HTR7: variants seen among roughly 807,000 people sequenced by gnomAD.
HTR7 encodes the protein 5-hydroxytryptamine receptor 7, also known as 5-HT-7.
In HTR7, 16 loss-of-function variants were observed where a neutral mutation model predicts 34.0. The ratio of observed to expected loss-of-function variants is 0.47; its 90% CI spans 0.32 to 0.71. The LOEUF is 0.71. Ranked by LOEUF, HTR7 falls within the 30% of genes least tolerant of loss-of-function variation. The pLI is 0.04. For synonymous variants in HTR7, 265 were observed against 260.2 expected, an observed-to-expected ratio of 1.02 and a Z score of -0.18; for missense variants, 504 against 625.5, an observed-to-expected ratio of 0.81 and a Z score of 2.07.
chr10:90,816,468 C>T (rs1234342327), intron 1 of HTR7, among the ~76,000 whole-genome samples: 1 of 152,110 alleles, frequency 6.6e-6, no homozygotes, highest in Non-Finnish European at 1.5e-5. Context: ...CCAGCTGTGA[C>T]TTTTGTTTTG....
chr10:90,803,074 C>T (rs12766851), intron 1 of HTR7, among the ~76,000 whole-genome samples: 38,461 of 145,914 alleles, frequency 0.26, 5,272 homozygotes, highest in African/African-American at 0.35. Context: ...CCTAAAGCAA[C>T]CTCAGTTCTT....
intron 1 of HTR7, among the ~76,000 whole-genome samples, chr10:90,792,464 A>C (rs1233260416): frequency 2.0e-5 from 3 of 151,992 alleles, no homozygotes; most frequent in African/African-American, 7.2e-5. Flanking sequence ...TATCTTTTTC[A>C]TAGGATTTTT....
intron 1 of HTR7, among the ~76,000 whole-genome samples, chr10:90,840,274 G>C (rs1846308896): frequency 6.6e-6 from 1 of 150,954 alleles, no homozygotes; most frequent in Non-Finnish European, 1.5e-5. Flanking sequence ...TGAAGGACTA[G>C]ATCTGATAGT....
At chr10:90,856,563 T>C (rs1028731563) in intron 1 of HTR7, among the ~76,000 whole-genome samples, 10 of 152,164 alleles carry the variant, frequency 6.6e-5, no homozygotes, top group African/African-American at 2.4e-4. Context: ...GCTCGCAAGA[T>C]ACAGACAGCA....
At chr10:90,747,200 C>T (rs1240933227) in intron 2 of HTR7, among the ~76,000 whole-genome samples, 2 of 152,120 alleles carry the variant, frequency 1.3e-5, no homozygotes, top group African/African-American at 2.4e-5. Context: ...TAGCATGTAG[C>T]GGGTGTTCAA....
chr10:90,816,042 G>T (rs1845894323), intron 1 of HTR7, among the ~76,000 whole-genome samples: 1 of 152,288 alleles, frequency 6.6e-6, no homozygotes, highest in South Asian at 2.1e-4. Flanking sequence ...AATGGAAATG[G>T]TTTATATAGG....
At chr10:90,854,463 A>G (rs1846549107) in intron 1 of HTR7, among the ~76,000 whole-genome samples, 1 of 152,236 alleles carries the variant, frequency 6.6e-6, no homozygotes, top group African/African-American at 2.4e-5. Flanking sequence ...GAGATGGAAT[A>G]TAAAGTCCAA....
intron 1 of HTR7, among the ~76,000 whole-genome samples, chr10:90,769,256 C>T (rs1461616593): frequency 6.6e-6 from 1 of 152,176 alleles, no homozygotes; most frequent in Admixed American, 6.5e-5. Context: ...TTGAGTAAGA[C>T]ATTTGTCTCC....
chr10:90,773,030 G>A (rs1229487589), intron 1 of HTR7, among the ~76,000 whole-genome samples: 1 of 152,178 alleles, frequency 6.6e-6, no homozygotes, highest in African/African-American at 2.4e-5. Context: ...CATTTACAAA[G>A]TATATCCATA....
intron 1 of HTR7, among the ~76,000 whole-genome samples, chr10:90,770,070 G>A (rs113903917): frequency 0.012 from 1,863 of 152,342 alleles, 44 homozygotes; most frequent in African/African-American, 0.042. Context: ...GCAGCCAGAC[G>A]GAACCTGCCC....
chr10:90,752,289 G>A (rs551997876), intron 1 of HTR7, among the ~76,000 whole-genome samples: 1 of 152,192 alleles, frequency 6.6e-6, no homozygotes, highest in Non-Finnish European at 1.5e-5. Flanking sequence ...AGAAAATAGT[G>A]TGGAGATGAT....
At chr10:90,835,679 A>G (rs1028665408) in intron 1 of HTR7, among the ~76,000 whole-genome samples, 2 of 152,222 alleles carry the variant, frequency 1.3e-5, no homozygotes, top group Non-Finnish European at 2.9e-5. Flanking sequence ...GCCCTGTCCC[A>G]AAGGACCTCA....
chr10:90,848,528 T>C (rs1333095935), intron 1 of HTR7, among the ~76,000 whole-genome samples: 1 of 152,238 alleles, frequency 6.6e-6, no homozygotes, highest in Non-Finnish European at 1.5e-5. Context: ...CTTACATTTG[T>C]AACCATAAAA....
intron 1 of HTR7, among the ~76,000 whole-genome samples, chr10:90,770,118 C>G (rs1369039039): frequency 6.6e-6 from 1 of 152,262 alleles, no homozygotes; most frequent in Non-Finnish European, 1.5e-5. Flanking sequence ...AGCCCTGGCC[C>G]AGCATGACCA....
intron 1 of HTR7, among the ~76,000 whole-genome samples, chr10:90,815,076 T>A (rs1361125043): frequency 7.3e-6 from 1 of 136,820 alleles, no homozygotes; most frequent in African/African-American, 3.0e-5. Flanking sequence ...AAGTTGGATT[T>A]TTTTTTTGTT....
chr10:90,782,540 C>A (rs1845320832), intron 1 of HTR7, among the ~76,000 whole-genome samples: 1 of 152,094 alleles, frequency 6.6e-6, no homozygotes, highest in Non-Finnish European at 1.5e-5. Context: ...ATCAAACCTG[C>A]TAGAATCATG....
intron 1 of HTR7, among the ~76,000 whole-genome samples, chr10:90,854,179 C>T (rs1200816255): frequency 6.6e-6 from 1 of 152,166 alleles, no homozygotes; most frequent in East Asian, 1.9e-4. Context: ...CATGGCAAAA[C>T]CCCGTGTCTA....
intron 1 of HTR7, among the ~76,000 whole-genome samples, chr10:90,761,896 C>G (rs1339334345): frequency 6.6e-6 from 1 of 152,148 alleles, no homozygotes; most frequent in Non-Finnish European, 1.5e-5. Flanking sequence ...TTGTCTTTCT[C>G]TATCTGACTT....
At chr10:90,790,950 A>C (rs1845451564) in intron 1 of HTR7, among the ~76,000 whole-genome samples, 1 of 152,158 alleles carries the variant, frequency 6.6e-6, no homozygotes, top group Non-Finnish European at 1.5e-5. Context: ...TTGTTAAATC[A>C]GCCTCATTGC....
Sources: allele counts gnomAD v4.1 joint callset (sites outside exome capture counted in the v4.1 genomes callset), GRCh38; gene constraint gnomAD v4.1.1; transcripts MANE v1.5; gene names NCBI Gene and HGNC (gene_info 2026-07-23, HGNC 2026-07-21).